Variants in TMEM165 observed in about 807,000 individuals in gnomAD.
The protein encoded by TMEM165 is transmembrane protein 165, also known as putative divalent cation/proton antiporter TMEM165.
Under a neutral mutation model 30.0 loss-of-function variants are expected in TMEM165, and 19 were observed. The ratio of observed to expected loss-of-function variants is 0.63; its 90% confidence interval spans 0.44 to 0.93. TMEM165 has a LOEUF of 0.93. TMEM165 is among the 40% of genes least tolerant of loss of function. The probability of loss-of-function intolerance (pLI) is 0.00; values close to 1 mark genes in which losing one functional copy is unlikely to be tolerated. For synonymous variants in TMEM165, 168 were observed against 162.9 expected (o/e 1.03, Z -0.24); for missense variants, 340 against 417.0 (o/e 0.82, Z 1.61).
chr4:55,445,615 G>T, intron 3 of TMEM165, among the ~76,000 whole-genome samples: 3 of 64,726 alleles, frequency 4.6e-5, no homozygotes, highest in South Asian at 6.6e-4. Flanking sequence ...TTTTGAGACA[G>T]GATCTCACTC....
chr4:55,444,684 T>C, intron 3 of TMEM165: 1 of 1,614,152 alleles, frequency 6.2e-7, no homozygotes, highest in Middle Eastern at 1.6e-4. Context: ...TTTTTCTTAG[T>C]TCTTCTTGTT....
intron 3 of TMEM165, among the ~76,000 whole-genome samples, chr4:55,437,739 A>C (rs1204999005): frequency 1.3e-5 from 2 of 152,206 alleles, no homozygotes; most frequent in Non-Finnish European, 2.9e-5. Context: ...GCAGTGACTC[A>C]ACCCCAAGGC....
At chr4:55,429,194 T>C (rs1354143489), downstream of TMEM165, 1 of 152,204 alleles carries the variant, frequency 6.6e-6, no homozygotes. Context: ...TGTCACAGTT[T>C]GTTTCCTAAG....
chr4:55,427,393 A>G (rs2109573213), downstream of TMEM165, among the ~76,000 whole-genome samples: 1 of 150,556 alleles, frequency 6.6e-6, no homozygotes, highest in African/African-American at 2.5e-5. Flanking sequence ...CCTGGGCTGG[A>G]ATGCAGTGGC....
chr4:55,400,267 TATA>T (rs1720909806), intron 1 of TMEM165, among the ~76,000 whole-genome samples: 1 of 102,028 alleles, frequency 9.8e-6, no homozygotes, highest in Non-Finnish European at 1.8e-5. Context: ...TAATATATAA[TATA>T]TAATATAATA....
intron 1 of TMEM165, among the ~76,000 whole-genome samples, chr4:55,400,849 T>A (rs988112468): frequency 2.0e-5 from 3 of 150,758 alleles, no homozygotes; most frequent in Non-Finnish European, 2.9e-5. Context: ...GTAATATAAG[T>A]GTCATTGGCT....
chr4:55,406,377 T>C (rs952622842), intron 1 of TMEM165, among the ~76,000 whole-genome samples: 13 of 152,238 alleles, frequency 8.5e-5, no homozygotes, highest in African/African-American at 2.7e-4. Context: ...TTTTTTGTAT[T>C]CTAGAAAAAG....
At chr4:55,427,772 T>C (rs1346342109), downstream of TMEM165, 4 of 152,232 alleles carry the variant, frequency 2.6e-5, no homozygotes, top group Non-Finnish European at 5.9e-5. Context: ...CAGCATCGCA[T>C]TCTGAGGCAC....
At chr4:55,448,601 C>CGCGTGTGT (rs764071880) in intron 3 of TMEM165, among the ~76,000 whole-genome samples, 35 of 117,038 alleles carry the variant, frequency 3.0e-4, no homozygotes, top group Middle Eastern at 5.1e-3. Context: ...CGCACGCGCG[C>CGCGTGTGT]GTGTGTGTGT....
chr4:55,431,332 G>A (rs191647866), intron 3 of TMEM165: 2 of 152,144 alleles, frequency 1.3e-5, no homozygotes, highest in African/African-American at 2.4e-5. Flanking sequence ...AAAAGTGGGA[G>A]GCATGTAGAG....
chr4:55,420,535 G>T (rs1331305098), intron 4 of TMEM165, among the ~76,000 whole-genome samples: 1 of 151,960 alleles, frequency 6.6e-6, no homozygotes, highest in Admixed American at 6.6e-5. Flanking sequence ...AATAACACAC[G>T]CAGGGTATCT....
intron 3 of TMEM165, chr4:55,442,485 T>C: frequency 6.2e-7 from 1 of 1,606,384 alleles, no homozygotes; most frequent in Non-Finnish European, 8.5e-7. Flanking sequence ...GGGTGCTGTT[T>C]TGTGGCATAC....
intron 3 of TMEM165, chr4:55,431,916 AT>A (rs1342977316): frequency 1.3e-5 from 2 of 152,214 alleles, no homozygotes; most frequent in African/African-American, 4.8e-5. Context: ...AGTGCTCTTG[AT>A]GGAGCTGGAC....
At chr4:55,430,824 CTT>C (rs1201737807), downstream of TMEM165, 1 of 152,166 alleles carries the variant, frequency 6.6e-6, no homozygotes, top group Non-Finnish European at 1.5e-5. Flanking sequence ...TCATTGGTCT[CTT>C]TTGGTGTCCA....
At chr4:55,440,541 C>T (rs1386969474) in intron 3 of TMEM165, among the ~76,000 whole-genome samples, 1 of 152,028 alleles carries the variant, frequency 6.6e-6, no homozygotes, top group Non-Finnish European at 1.5e-5. Context: ...CAGATCTTGA[C>T]AATAAAATAC....
Position 55,425,527 on chromosome 4 carries a change from A to T in TMEM165, c.*75A>T. 1 of 1,169,336 alleles carries T rather than the reference A, an allele frequency of 8.6e-7. No individual in the cohort carries two copies. The highest frequency in any genetic ancestry group is 1.3e-5 in the South Asian group (1 of 74,192). The allele number at this position is 1,169,336 out of a possible 1,614,324, so 72.4% of individuals were successfully genotyped here. A position where few individuals can be genotyped will look rare whatever the true frequency, so the allele number is the denominator to read the frequency against. ...TCTGTACATAGTGTACATTACAACT[A>T]AAAGTGATGGAAAAATACTGTATTT... On this transcript the variant is annotated 3_prime_UTR_variant, in exon 6 of 6. Transcript: ENST00000381334.
In TMEM165 at chr4:55,425,361, TTCTC is replaced by T; in HGVS notation, c.899-9_899-6del. ...GGAATTTTACTGTATTTGACTTTTT[TTCTC>T]TCTCTTCCAGTGACAATCATAGGAG... On this transcript the variant is annotated splice_polypyrimidine_tract_variant and intron_variant, in intron 5 of 5. Coordinates refer to ENST00000381334, the MANE Select transcript of TMEM165 (RefSeq NM_018475.5). 1.2e-6 allele frequency: 2 copies of T among 1,605,242 alleles called. No individual in the cohort carries two copies. The highest frequency in any genetic ancestry group is 8.5e-7 in the Non-Finnish European group (1 of 1,173,486).
chr4:55,417,278 A>C (rs1013771017), intron 3 of TMEM165, 31 bp downstream of exon 3: 2 of 1,594,576 alleles, frequency 1.3e-6, no homozygotes, highest in Non-Finnish European at 1.7e-6. Flanking sequence ...TCTGGACCAA[A>C]AAGGCACTCA....
chr4:55,442,297 T>C, intron 3 of TMEM165: 1 of 790,732 alleles, frequency 1.3e-6, no homozygotes, highest in Non-Finnish European at 2.1e-6. Flanking sequence ...TGTTTTTATT[T>C]CAAATTTAAG....
Sources: gnomAD v4.1 joint callset for allele counts (sites outside exome capture counted in the v4.1 genomes callset) on GRCh38, gnomAD v4.1.1 for gene constraint, MANE v1.5 for transcripts, NCBI Gene and HGNC (gene_info 2026-07-23, HGNC 2026-07-21) for gene names.